The following FYN variants were observed in gnomAD, a reference collection of about 807,000 sequenced individuals.
FYN encodes the protein FYN proto-oncogene, Src family tyrosine kinase.
In FYN, 10 loss-of-function variants were observed where a neutral mutation model predicts 70.2. The ratio of observed to expected loss-of-function variants is 0.14; its 90% CI spans 0.09 to 0.24. The LOEUF (loss-of-function observed/expected upper bound fraction) is 0.24. FYN is among the 10% of genes least tolerant of loss of function. FYN has a pLI of 1.00. For missense variants in FYN, 319 were observed against 673.1 expected (o/e 0.47, Z 5.82); for synonymous variants, 236 against 248.6 (o/e 0.95, Z 0.48).
At chr6:111,832,219 A>C (rs9481195) in intron 2 of FYN, among the ~76,000 whole-genome samples, 18,014 of 152,234 alleles carry the variant, frequency 0.12, 1,807 homozygotes, top group African/African-American at 0.28. Flanking sequence ...CATCCATTAC[A>C]CAAGTGCTTC....
intron 2 of FYN, among the ~76,000 whole-genome samples, chr6:111,794,680 C>G (rs1035699376): frequency 6.6e-5 from 10 of 152,166 alleles, no homozygotes; most frequent in African/African-American, 2.4e-4. Flanking sequence ...AATCTCAGTG[C>G]CCGTAAGTAA....
rs1801729509 is a variant in FYN, at chr6:111,736,812, T to G, written c.-11-16750A>C. Among the ~76,000 whole-genome samples the G allele has an allele frequency of 2.6e-5, 4 of 152,226 alleles. No individual in the cohort carries two copies. The South Asian group carries it at 8.3e-4, about 32-fold the overall frequency. On this transcript the variant is annotated intron_variant, in intron 3 of 13. Coordinates refer to ENST00000354650, the MANE Select transcript of FYN (RefSeq NM_002037.5). ...TCCCCTCTAAGTCCCTTCATCATTT[T>G]CTAGCCATCTTGCTTCTCTCTTAAG...
intron 2 of FYN, among the ~76,000 whole-genome samples, chr6:111,784,816 T>C (rs1299613608): frequency 6.6e-6 from 1 of 152,214 alleles, no homozygotes; most frequent in African/African-American, 2.4e-5. Flanking sequence ...GGGAAAAGAT[T>C]TGAGGGACTG....
chr6:111,691,947 A>T (rs942319402), intron 12 of FYN, among the ~76,000 whole-genome samples: 3 of 151,956 alleles, frequency 2.0e-5, no homozygotes, highest in Admixed American at 6.5e-5. Context: ...GTCTATTCCT[A>T]TTGTTTCCCT....
At chr6:111,750,064 T>C (rs1802415370) in intron 3 of FYN, among the ~76,000 whole-genome samples, 1 of 152,232 alleles carries the variant, frequency 6.6e-6, no homozygotes, top group African/African-American at 2.4e-5. Context: ...CTAACATATA[T>C]GTCCGTTTTG....
intron 2 of FYN, among the ~76,000 whole-genome samples, chr6:111,781,864 A>G (rs1390407616): frequency 6.6e-6 from 1 of 152,242 alleles, no homozygotes; most frequent in Non-Finnish European, 1.5e-5. Context: ...ATAATTTCCA[A>G]CAAGTCTAAT....
intron 13 of FYN, among the ~76,000 whole-genome samples, chr6:111,669,062 G>A (rs767609352): frequency 1.1e-4 from 17 of 152,128 alleles, no homozygotes; most frequent in African/African-American, 3.1e-4. Flanking sequence ...ATTATCAAGC[G>A]ACTAGATGTA....
At chr6:111,729,120 C>G (rs937600628) in intron 3 of FYN, among the ~76,000 whole-genome samples, 18 of 151,952 alleles carry the variant, frequency 1.2e-4, no homozygotes, top group African/African-American at 3.9e-4. Context: ...TGATAGAAGA[C>G]CAGAAATCAG....
intron 3 of FYN, among the ~76,000 whole-genome samples, chr6:111,776,782 T>C (rs1770959997): frequency 6.6e-6 from 1 of 152,328 alleles, no homozygotes; most frequent in Non-Finnish European, 1.5e-5. Flanking sequence ...TGGGTTGTCC[T>C]ATATCATAAA....
chr6:111,869,242 G>A (rs372225133), intron 1 of FYN, among the ~76,000 whole-genome samples: 1 of 152,262 alleles, frequency 6.6e-6, no homozygotes, highest in Non-Finnish European at 1.5e-5. Flanking sequence ...GAGGGCAGCT[G>A]AGTGACAGAG....
intron 1 of FYN, among the ~76,000 whole-genome samples, chr6:111,849,715 C>A (rs546333806): frequency 6.6e-6 from 1 of 152,194 alleles, no homozygotes; most frequent in Non-Finnish European, 1.5e-5. Context: ...AGAAAGGCAG[C>A]CCCCAATAAT....
At chr6:111,710,920 C>A (rs948806302) in intron 5 of FYN, among the ~76,000 whole-genome samples, 6 of 152,136 alleles carry the variant, frequency 3.9e-5, no homozygotes, top group Non-Finnish European at 8.8e-5. Flanking sequence ...GTGAGATATT[C>A]TTTGTTATCT....
chr6:111,844,064 G>C (rs1326002136), intron 2 of FYN, among the ~76,000 whole-genome samples: 1 of 152,186 alleles, frequency 6.6e-6, no homozygotes, highest in East Asian at 1.9e-4. Flanking sequence ...GATCTGAGTA[G>C]AATCCTTACT....
At chr6:111,680,732 C>T (rs1038877587) in intron 12 of FYN, among the ~76,000 whole-genome samples, 35 of 152,194 alleles carry the variant, frequency 2.3e-4, no homozygotes, top group African/African-American at 8.2e-4. Context: ...GCTCTGGGTA[C>T]ATTTGTACTA....
chr6:111,720,125 CAGTAAACGAGG>C, intron 3 of FYN, 63 bp from the exon 4 acceptor site: 1 of 1,520,204 alleles, frequency 6.6e-7, no homozygotes, highest in Non-Finnish European at 8.8e-7. Flanking sequence ...GGTTGCTCTA[CAGTAAACGAGG>C]AGTAATTGAC....
At chr6:111,668,919 T>C (rs1166828668) in intron 13 of FYN, among the ~76,000 whole-genome samples, 1 of 152,106 alleles carries the variant, frequency 6.6e-6, no homozygotes, top group African/African-American at 2.4e-5. Context: ...CCTGCTCCTG[T>C]TGTTATGTTG....
chr6:111,768,786 C>T (rs1803328323), intron 3 of FYN, among the ~76,000 whole-genome samples: 1 of 152,172 alleles, frequency 6.6e-6, no homozygotes, highest in African/African-American at 2.4e-5. Context: ...TGCTCAGCAC[C>T]ATACTTGGAA....
At chr6:111,784,603 C>T (rs1396731634) in intron 2 of FYN, among the ~76,000 whole-genome samples, 1 of 152,166 alleles carries the variant, frequency 6.6e-6, no homozygotes, top group South Asian at 2.1e-4. Flanking sequence ...GTTGCCCTCC[C>T]CAGAAGCCAC....
Position 111,719,789 on chromosome 6 carries a change from G to T in FYN, c.247+16C>A. On this transcript the variant is annotated intron_variant, in intron 4 of 13. Coordinates refer to ENST00000354650, the MANE Select transcript of FYN (RefSeq NM_002037.5). ...TGGCTGCCCCCTCTCTGCACTCTGTGACTTTGGGGGCTTACCTGTTCCTCC... is the reference window on the plus strand; with the variant it reads ...TGGCTGCCCCCTCTCTGCACTCTGTTACTTTGGGGGCTTACCTGTTCCTCC... 6.2e-7 allele frequency: 1 copy of T among 1,612,168 alleles called. No individual in the cohort carries two copies. Among genetic ancestry groups the T allele is most frequent in the South Asian group, 1.1e-5 (1 of 90,972 alleles).
Sources: gnomAD v4.1 joint callset for allele counts (sites outside exome capture counted in the v4.1 genomes callset) on GRCh38, gnomAD v4.1.1 for gene constraint, MANE v1.5 for transcripts, NCBI Gene and HGNC (gene_info 2026-07-23, HGNC 2026-07-21) for gene names.